The following NEXN variants were observed in gnomAD, a reference collection of about 807,000 sequenced individuals.
The protein encoded by NEXN is nexilin.
NEXN carries 65 observed loss-of-function variants against 92.6 expected under a neutral mutation model. The observed-to-expected ratio is 0.70, with a 90% CI of 0.57 to 0.86. NEXN has a LOEUF of 0.86. Ranked by LOEUF, NEXN falls within the 40% of genes least tolerant of loss-of-function variation. The pLI is 0.00. For synonymous variants in NEXN, 254 were observed against 242.5 expected (o/e 1.05, Z -0.44); for missense variants, 778 against 771.1 (o/e 1.01, Z -0.11).
intron 6 of NEXN, 90 bp downstream of exon 6, chr1:77,925,319 TTTA>T: frequency 1.2e-6 from 1 of 841,978 alleles, no homozygotes; most frequent in East Asian, 2.7e-5. Flanking sequence ...TAAAAGAGCT[TTTA>T]TTATTTTTAT....
At chr1:77,896,013 TA>T (rs142305491) in intron 1 of NEXN, among the ~76,000 whole-genome samples, 1 of 150,444 alleles carries the variant, frequency 6.6e-6, no homozygotes, top group African/African-American at 2.5e-5. Context: ...CTGTCTGTAC[TA>T]AAAAAAATTA....
intron 1 of NEXN, among the ~76,000 whole-genome samples, chr1:77,910,748 CAA>C (rs751080251): frequency 4.7e-5 from 2 of 42,876 alleles, no homozygotes; most frequent in African/African-American, 1.5e-4. Flanking sequence ...GAGACTGTCT[CAA>C]AAAAAAAAAA....
intron 1 of NEXN, among the ~76,000 whole-genome samples, chr1:77,900,767 A>T (rs539451036): frequency 6.6e-6 from 1 of 152,220 alleles, no homozygotes; most frequent in African/African-American, 2.4e-5. Flanking sequence ...GTTCCATCTT[A>T]TCTTTTGATC....
chr1:77,938,187 T>TTG (rs904244736), intron 11 of NEXN, among the ~76,000 whole-genome samples: 1 of 152,200 alleles, frequency 6.6e-6, no homozygotes. Context: ...GCATCTAAGC[T>TTG]TGTGTGACAT....
intron 1 of NEXN, among the ~76,000 whole-genome samples, chr1:77,893,095 G>A (rs890560290): frequency 6.6e-6 from 1 of 152,020 alleles, no homozygotes; most frequent in Non-Finnish European, 1.5e-5. Context: ...TCAAACTCAT[G>A]GTCTCAAGCA....
In NEXN at chr1:77,943,038, A is replaced by C. The variant is rs530666449; in HGVS notation, c.*209A>C. On this transcript the variant is annotated 3_prime_UTR_variant, in exon 13 of 13. Transcript: ENST00000334785. ...CTATGCTGACTTCTTATTCCTTTTC[A>C]TAACAGTCTTCAAAGCACAGCTCAT... 3.3e-6 allele frequency: 2 copies of C among 611,282 alleles called. No homozygotes were observed. The highest frequency in any genetic ancestry group is 6.0e-6 in the Non-Finnish European group (2 of 335,568). 37.9% of individuals were successfully genotyped at this position (611,282 alleles called of 1,614,324 possible).
chr1:77,930,971 T>A (rs1220813463), intron 9 of NEXN, among the ~76,000 whole-genome samples: 1 of 152,220 alleles, frequency 6.6e-6, no homozygotes, highest in East Asian at 1.9e-4. Flanking sequence ...TAAATGTTGA[T>A]GGAACAAGTG....
At chr1:77,942,266 TA>T in intron 12 of NEXN, 58 bp downstream of exon 12, 1 of 1,545,362 alleles carries the variant, frequency 6.5e-7, no homozygotes, top group Non-Finnish European at 8.9e-7. Context: ...CCCATAGTTT[TA>T]TAATTAGGTA....
chr1:77,929,865 C>A (rs917292446), intron 9 of NEXN, among the ~76,000 whole-genome samples: 1 of 152,200 alleles, frequency 6.6e-6, no homozygotes, highest in South Asian at 2.1e-4. Flanking sequence ...ACCTCCTTCC[C>A]ATACTCCCTT....
At position 77,926,795 on chromosome 1, in the gene NEXN, G is replaced by A. The variant is rs748921688; in HGVS notation, c.767G>A (p.Arg256Gln). The change falls in exon 8 of 13, where the codon CGA becomes CAA. Residue 256 changes from arginine (R) to glutamine (Q), a missense_variant. This residue lies in a region of NEXN where 10 missense variants were observed against 28.8 expected (regional missense o/e 0.35). Coordinates refer to ENST00000334785, the MANE Select transcript of NEXN (RefSeq NM_144573.4). ...AAACTAACTTTTGAAGAACTGGAGC[G>A]ACAAAGACAAGAAAACCGAAAGAAG... ...KLKLTFEELERQRQENRKKQA... is the reference protein window; with the variant it reads ...KLKLTFEELEQQRQENRKKQA... 8.1e-6 allele frequency: 13 copies of A among 1,613,772 alleles called. No homozygotes were observed. The highest frequency in any genetic ancestry group is 4.5e-5 in the East Asian group (2 of 44,844).
At chr1:77,906,878 A>G (rs766284340) in intron 1 of NEXN, among the ~76,000 whole-genome samples, 7 of 151,918 alleles carry the variant, frequency 4.6e-5, no homozygotes, top group Admixed American at 6.6e-5. Flanking sequence ...CTGGTCCCCA[A>G]CTCCTGCCTC....
intron 1 of NEXN, among the ~76,000 whole-genome samples, chr1:77,893,535 A>G (rs1378991696): frequency 1.3e-5 from 2 of 152,100 alleles, no homozygotes; most frequent in African/African-American, 4.8e-5. Flanking sequence ...CCTTTTGTAG[A>G]TAAGAATCAT....
At chr1:77,920,850 GGAA>G (rs1367715905) in intron 5 of NEXN, among the ~76,000 whole-genome samples, 1 of 151,970 alleles carries the variant, frequency 6.6e-6, no homozygotes, top group African/African-American at 2.4e-5. Context: ...AGTTGATTTG[GGAA>G]GAAGCAAAAG....
intron 1 of NEXN, among the ~76,000 whole-genome samples, chr1:77,890,649 T>A (rs943443456): frequency 6.6e-6 from 1 of 152,090 alleles, no homozygotes; most frequent in South Asian, 2.1e-4. Flanking sequence ...TGGAAGACAT[T>A]AATTGGGGAT....
intron 11 of NEXN, among the ~76,000 whole-genome samples, chr1:77,939,159 T>C (rs1244254187): frequency 6.6e-6 from 1 of 152,164 alleles, no homozygotes; most frequent in Non-Finnish European, 1.5e-5. Context: ...AAAAGGGTTA[T>C]AGGTTGCTTT....
chr1:77,925,730 A>C (rs1379476984), intron 6 of NEXN, among the ~76,000 whole-genome samples: 3 of 152,164 alleles, frequency 2.0e-5, no homozygotes, highest in Admixed American at 2.0e-4. Context: ...AAAATCTTTC[A>C]ATTTGATGGT....
chr1:77,933,191 C>CA (rs917490518), intron 9 of NEXN, 91 bp from the exon 10 acceptor site: 249 of 902,296 alleles, frequency 2.8e-4, no homozygotes, highest in Non-Finnish European at 3.5e-4. Context: ...TAAAAACAAA[C>CA]AAAAAAAAGA....
At chr1:77,927,016 A>G (rs921522141) in intron 8 of NEXN, 124 bp downstream of exon 8, 2 of 1,244,572 alleles carry the variant, frequency 1.6e-6, no homozygotes, top group African/African-American at 1.5e-5. Flanking sequence ...AATTGTATTC[A>G]TATTTCATAT....
Position 77,933,354 on chromosome 1 carries a change from A to G in NEXN, c.1126A>G (p.Ile376Val). 6.2e-7 allele frequency: 1 copy of G among 1,611,232 alleles called. No homozygotes were observed. Among genetic ancestry groups the G allele is most frequent in the Non-Finnish European group, 8.5e-7 (1 of 1,178,152 alleles). ...QEFLTPGKLEINFEELLKQKM... is the reference protein window; with the variant it reads ...QEFLTPGKLEVNFEELLKQKM... ...ATTTCTTACACCGGGAAAACTGGAAATTAATTTTGAAGAATTATTAAAACA... is the reference window on the plus strand; with the variant it reads ...ATTTCTTACACCGGGAAAACTGGAAGTTAATTTTGAAGAATTATTAAAACA... Residue 376 changes from isoleucine (I) to valine (V), a missense_variant, in exon 10 of 13, where the codon ATT becomes GTT. Coordinates refer to ENST00000334785, the MANE Select transcript of NEXN (RefSeq NM_144573.4).
Sources: allele counts gnomAD v4.1 joint callset (sites outside exome capture counted in the v4.1 genomes callset), GRCh38; gene constraint gnomAD v4.1.1; regional missense constraint gnomAD v4.1.1; transcripts MANE v1.5; gene names NCBI Gene and HGNC (gene_info 2026-07-23, HGNC 2026-07-21).